The following NT5DC1 variants were observed in gnomAD, a reference collection of about 807,000 sequenced individuals.
NT5DC1 encodes 5'-nucleotidase domain containing 1.
NT5DC1 carries 42 observed loss-of-function variants against 59.4 expected under a neutral mutation model. The ratio of observed to expected loss-of-function variants is 0.71; its 90% CI spans 0.55 to 0.92. The LOEUF is 0.92. Ranked by LOEUF, NT5DC1 falls within the 40% of genes least tolerant of loss-of-function variation. The pLI is 0.00. For synonymous variants in NT5DC1, 172 were observed against 188.1 expected, an observed-to-expected ratio of 0.91 and a Z score of 0.70; for missense variants, 501 against 537.1, an observed-to-expected ratio of 0.93 and a Z score of 0.66.
intron 1 of NT5DC1, 94 bp downstream of exon 1, chr6:116,101,117 C>T (rs1778638115): frequency 1.1e-6 from 1 of 897,190 alleles, no homozygotes. Flanking sequence ...CGGACGCTGC[C>T]CGGGGCCTGC....
chr6:116,144,499 CA>C (rs542743486), intron 6 of NT5DC1, among the ~76,000 whole-genome samples: 5,743 of 124,880 alleles, frequency 0.046, 340 homozygotes, highest in African/African-American at 0.14. Context: ...GACTCCGTCT[CA>C]AAAAAAAAAA....
chr6:116,178,970 A>G (rs1489344061), intron 6 of NT5DC1, among the ~76,000 whole-genome samples: 1 of 152,240 alleles, frequency 6.6e-6, no homozygotes. Context: ...AACAGTAGAA[A>G]GAAAAGATTA....
rs535349081 is a variant in NT5DC1, at chr6:116,187,988, T to G, written c.530-33066T>G. Among the ~76,000 whole-genome samples, 40 of 152,116 alleles carry G rather than the reference T, an allele frequency of 2.6e-4. 2 individuals carry two copies. In the South Asian group the frequency reaches 8.1e-3, roughly 31 times the overall value. On this transcript the variant is annotated intron_variant, in intron 6 of 11. Coordinates refer to ENST00000319550, the MANE Select transcript of NT5DC1 (RefSeq NM_152729.3). ...ACTTTTATCTAGTGTAAAAAAGACC[T>G]ATAAATCAGTAACAGGAAGACAGCA... is the stretch of plus-strand genomic sequence containing the variant.
intron 6 of NT5DC1, among the ~76,000 whole-genome samples, chr6:116,138,834 T>G (rs1779690623): frequency 6.6e-6 from 1 of 152,120 alleles, no homozygotes; most frequent in Non-Finnish European, 1.5e-5. Flanking sequence ...ACAACTATGA[T>G]ATTGAGAGAG....
At chr6:116,113,055 C>A (rs994588242) in intron 4 of NT5DC1, among the ~76,000 whole-genome samples, 2 of 152,222 alleles carry the variant, frequency 1.3e-5, no homozygotes, top group African/African-American at 4.8e-5. Flanking sequence ...TCCTTGCCAG[C>A]TGATCTCCAG....
intron 6 of NT5DC1, among the ~76,000 whole-genome samples, chr6:116,195,189 A>G (rs1781198206): frequency 6.6e-6 from 1 of 152,092 alleles, no homozygotes; most frequent in South Asian, 2.1e-4. Context: ...ATAAAATAAA[A>G]CATACTGAAG....
intron 6 of NT5DC1, among the ~76,000 whole-genome samples, chr6:116,186,874 A>G (rs531558227): frequency 2.0e-5 from 3 of 152,096 alleles, no homozygotes; most frequent in African/African-American, 7.2e-5. Flanking sequence ...CTGGCAATTC[A>G]GAGATTTAGT....
chr6:116,121,855 ACTTCCGTAGC>A (rs763519621), intron 6 of NT5DC1: 1 of 1,613,764 alleles, frequency 6.2e-7, no homozygotes, highest in Non-Finnish European at 8.5e-7. Context: ...GGAGTCCAGG[ACTTCCGTAGC>A]CTGGTTTTCC....
chr6:116,145,557 T>G (rs530467173), intron 6 of NT5DC1: 6 of 257,692 alleles, frequency 2.3e-5, no homozygotes, highest in African/African-American at 1.3e-4. Flanking sequence ...TGTCATCTTA[T>G]GGATTATTCT....
intron 6 of NT5DC1, among the ~76,000 whole-genome samples, chr6:116,220,122 C>CTT (rs60827021): frequency 0.12 from 11,796 of 98,504 alleles, 880 homozygotes; most frequent in East Asian, 0.2. Context: ...GCTGTTTAAC[C>CTT]TTTTTTTTTT....
In NT5DC1 at chr6:116,199,584, G is replaced by GGA. The variant is rs1261914713; in HGVS notation, c.530-21467_530-21466dup. On this transcript the variant is annotated intron_variant, in intron 6 of 11. Transcript: ENST00000319550. ...CCAGTATTAGAAGCCAGGGCTCCTT[G>GGA]GAGAAATCTCTGACTTTAGGCCTGG... 2.0e-5 allele frequency among the ~76,000 whole-genome samples: 3 copies of GGA among 152,066 alleles called. No individual in the cohort carries two copies. The East Asian group carries it at 5.8e-4, about 29-fold the overall frequency.
intron 1 of NT5DC1, among the ~76,000 whole-genome samples, chr6:116,101,754 C>G (rs896223157): frequency 1.3e-5 from 2 of 152,192 alleles, no homozygotes; most frequent in Non-Finnish European, 2.9e-5. Flanking sequence ...CCTGTACACT[C>G]AAATTAATTG....
chr6:116,193,914 A>G (rs1214112236), intron 6 of NT5DC1, among the ~76,000 whole-genome samples: 1 of 151,986 alleles, frequency 6.6e-6, no homozygotes, highest in Non-Finnish European at 1.5e-5. Context: ...AAATACAGAA[A>G]GTAGTCAGAT....
chr6:116,108,506 C>A, intron 3 of NT5DC1, 71 bp downstream of exon 3: 3 of 843,942 alleles, frequency 3.6e-6, no homozygotes, highest in Non-Finnish European at 6.3e-6. Flanking sequence ...TGGCATATGA[C>A]CCTTACAGTA....
chr6:116,239,970 T>G (rs936144436), intron 11 of NT5DC1, among the ~76,000 whole-genome samples: 1 of 152,316 alleles, frequency 6.6e-6, no homozygotes, highest in Admixed American at 6.5e-5. Context: ...AGAATTTAAA[T>G]ATTTAAAAAA....
chr6:116,125,612 C>A, intron 6 of NT5DC1: 1 of 977,572 alleles, frequency 1.0e-6, no homozygotes, highest in Non-Finnish European at 1.5e-6. Flanking sequence ...ACTTTTTTAA[C>A]CTATCCTATA....
Position 116,221,194 on chromosome 6 carries a change from G to A in NT5DC1, c.670G>A (p.Asp224Asn), listed in dbSNP as rs1388233252. Reference sequence around the variant, plus strand: ...TCTGTTAATTACCAGTTCTCACAGTGATTACTGTAGACTTCTCTGCGAATA... The same window carrying A: ...TCTGTTAATTACCAGTTCTCACAGTAATTACTGTAGACTTCTCTGCGAATA... ...ILLLITSSHS[D>N]YCRLLCEYIL... The change falls in exon 7 of 12, where the codon GAT becomes AAT. Residue 224 changes from aspartate to asparagine, a missense_variant. Physicochemically the swap from Asp to Asn is conservative, Grantham distance 23. Coordinates refer to ENST00000319550, the MANE Select transcript of NT5DC1 (RefSeq NM_152729.3). 1 of 1,598,002 alleles carries A rather than the reference G, an allele frequency of 6.3e-7. No individual in the cohort carries two copies. The highest frequency in any genetic ancestry group is 8.6e-7 in the Non-Finnish European group (1 of 1,166,156).
chr6:116,113,033 T>G (rs539500123), intron 4 of NT5DC1, among the ~76,000 whole-genome samples: 2 of 152,360 alleles, frequency 1.3e-5, no homozygotes, highest in African/African-American at 4.8e-5. Flanking sequence ...TGACCTAACA[T>G]AAGAACAGTG....
chr6:116,107,250 G>T (rs1243830916), intron 2 of NT5DC1, among the ~76,000 whole-genome samples: 1 of 146,784 alleles, frequency 6.8e-6, no homozygotes, highest in Non-Finnish European at 1.5e-5. Flanking sequence ...GCATTCTTTT[G>T]ATATTTTGTT....
Sources: allele counts gnomAD v4.1 joint callset (sites outside exome capture counted in the v4.1 genomes callset), GRCh38; gene constraint gnomAD v4.1.1; transcripts MANE v1.5; gene names NCBI Gene and HGNC (gene_info 2026-07-23, HGNC 2026-07-21).